Variants in COMMD5 observed in about 807,000 individuals in gnomAD.
The protein encoded by COMMD5 is COMM domain-containing protein 5.
In COMMD5, 10 loss-of-function variants were observed where a neutral mutation model predicts 6.9. That is an observed-to-expected ratio of 1.44 (90% CI 0.89 to 2.45). The LOEUF (loss-of-function observed/expected upper bound fraction) is 2.45. Among genes scored for constraint, COMMD5 ranks in the 30% most tolerant of loss-of-function variants. The pLI, the probability that COMMD5 is intolerant of heterozygous loss-of-function variation, is 0.00. For missense variants in COMMD5, 234 were observed against 287.8 expected (o/e 0.81, Z 1.35); for synonymous variants, 127 against 125.3 (o/e 1.01, Z -0.09).
chr8:144,842,987 T>TTAA, intron 1 of COMMD5: 5 of 1,614,092 alleles, frequency 3.1e-6, no homozygotes, highest in Non-Finnish European at 1.7e-6. Flanking sequence ...CGTAAAAAGG[T>TTAA]TAATACTATA....
chr8:144,840,453 CGTGGTT>C (rs1277544492), downstream of COMMD5, among the ~76,000 whole-genome samples: 1 of 151,904 alleles, frequency 6.6e-6, no homozygotes, highest in African/African-American at 2.4e-5. Context: ...GCTGTGGCTG[CGTGGTT>C]GTGGTTGTGA....
At chr8:144,851,695 T>C (rs946337246) in intron 1 of COMMD5, among the ~76,000 whole-genome samples, 1 of 151,878 alleles carries the variant, frequency 6.6e-6, no homozygotes, top group African/African-American at 2.4e-5. Flanking sequence ...AATTAATAGA[T>C]GAAAGAATGA....
At chr8:144,853,155 T>A (rs1830830272), upstream of COMMD5, 1 of 150,776 alleles carries the variant, frequency 6.6e-6, no homozygotes, top group Non-Finnish European at 1.5e-5. Context: ...TCCCGCCCCC[T>A]CCCCGCCCGG....
rs143091947 is a variant in COMMD5, at chr8:144,844,722, A to C, written c.*117-2979T>G. 8.5e-5 allele frequency among the ~76,000 whole-genome samples: 5 copies of C among 58,804 alleles called. No homozygotes were observed. In the South Asian group the frequency reaches 2.8e-3, roughly 32 times the overall value. 38.6% of individuals were successfully genotyped at this position (58,804 alleles called of 152,430 possible). ...GTGACTCTGTATCAAAAAAAAAAAAAAAAAAAAAAAAAAACGAAAATGGGA... is the reference window on the plus strand; with the variant it reads ...GTGACTCTGTATCAAAAAAAAAAAACAAAAAAAAAAAAAACGAAAATGGGA... On this transcript the variant is annotated intron_variant and NMD_transcript_variant, in intron 1 of 1. Transcript: ENST00000530332.
intron 1 of COMMD5, 49 bp downstream of exon 1, chr8:144,852,790 C>CA (rs1348785451): frequency 6.6e-6 from 1 of 152,310 alleles, no homozygotes; most frequent in African/African-American, 2.4e-5. Context: ...TGCACAGAGT[C>CA]AAATTGGCAC....
Position 144,841,429 on chromosome 8 carries a change from G to A in COMMD5, c.*431C>T, listed in dbSNP as rs905536914. 1.4e-5 allele frequency: 23 copies of A among 1,614,114 alleles called. No individual in the cohort carries two copies. The South Asian group carries it at 2.2e-4, about 15-fold the overall frequency. ...CCTAAAATCAGAATCCTATGGGACA[G>A]TGGTCAGAATCTCCCCACAGGACTT... On this transcript the variant is annotated 3_prime_UTR_variant and NMD_transcript_variant, in exon 2 of 2. Transcript: ENST00000530332.
intron 1 of COMMD5, chr8:144,842,121 G>A: frequency 6.2e-7 from 1 of 1,614,064 alleles, no homozygotes; most frequent in Non-Finnish European, 8.5e-7. Context: ...GTTGTCGTGA[G>A]TGTGGGAAAG....
intron 1 of COMMD5, 196 bp downstream of exon 1, chr8:144,852,643 A>G (rs1460946717): frequency 6.6e-6 from 1 of 152,286 alleles, no homozygotes; most frequent in Non-Finnish European, 1.5e-5. Flanking sequence ...TTCCCACTCC[A>G]AAGAGCCATC....
chr8:144,848,063 T>C (rs909246), downstream of COMMD5, among the ~76,000 whole-genome samples: 54,326 of 151,992 alleles, frequency 0.36, 9,835 homozygotes, highest in South Asian at 0.45. Flanking sequence ...TAAAATTTCA[T>C]GGCTGGGTGT....
At chr8:144,848,111 C>T (rs572103594), downstream of COMMD5, among the ~76,000 whole-genome samples, 3 of 152,060 alleles carry the variant, frequency 2.0e-5, no homozygotes, top group African/African-American at 7.2e-5. Flanking sequence ...TTTGGGAGGC[C>T]GAGGTGGGCA....
chr8:144,843,828 T>G (rs1830317415), intron 1 of COMMD5: 1 of 152,166 alleles, frequency 6.6e-6, no homozygotes, highest in Non-Finnish European at 1.5e-5. Flanking sequence ...TATCAGTGGC[T>G]CACACTGGCT....
intron 1 of COMMD5, chr8:144,842,425 C>T (rs904179337): frequency 1.2e-6 from 2 of 1,614,184 alleles, no homozygotes; most frequent in Non-Finnish European, 1.7e-6. Context: ...TGGAGAGAAG[C>T]CTTATAAATG....
At chr8:144,844,870 T>G (rs888879120) in intron 1 of COMMD5, among the ~76,000 whole-genome samples, 2 of 141,608 alleles carry the variant, frequency 1.4e-5, no homozygotes, top group Non-Finnish European at 1.5e-5. Context: ...GGGGTGAGAG[T>G]GGGTTAGGAA....
rs71320849 is a variant in COMMD5 at position 144,844,709 on chromosome 8, CAAAAAAAAAAAAAAA to C, written c.*117-2981_*117-2967del. ...GGGTGACAAGAGTGTGACTCTGTATCAAAAAAAAAAAAAAAAAAAAAAAAAAACGAAAATGGGATG... is the reference window on the plus strand; with the variant it reads ...GGGTGACAAGAGTGTGACTCTGTATCAAAAAAAAAAAACGAAAATGGGATG... On this transcript the variant is annotated intron_variant and NMD_transcript_variant, in intron 1 of 1. Coordinates refer to the COMMD5 transcript ENST00000530332. 6.3e-3 allele frequency among the ~76,000 whole-genome samples: 554 copies of C among 88,624 alleles called. 7 individuals are homozygous for C. The highest frequency in any genetic ancestry group is 0.02 in the African/African-American group (472 of 23,740). The allele number at this position is 88,624 out of a possible 152,430, so 58.1% of individuals were successfully genotyped here. A position where few individuals can be genotyped will look rare whatever the true frequency, so the allele number is the denominator to read the frequency against.
In COMMD5 at chr8:144,841,609, C is replaced by T. The variant is rs566967274; in HGVS notation, c.*251G>A. 12 of 1,614,056 alleles carry T rather than the reference C, an allele frequency of 7.4e-6. No homozygotes were observed. Among genetic ancestry groups the T allele is most frequent in the Middle Eastern group, 1.6e-4 (1 of 6,084 alleles). On this transcript the variant is annotated 3_prime_UTR_variant and NMD_transcript_variant, in exon 2 of 2. Coordinates refer to the COMMD5 transcript ENST00000530332. ...TCCCAAGACCTTCACCAAGGACGCA[C>T]CCCAGGGATGTAAGGAGCTGGGAAG...
chr8:144,843,391 C>CAT (rs1172640385), intron 1 of COMMD5: 4 of 462,526 alleles, frequency 8.6e-6, no homozygotes, highest in East Asian at 3.6e-5. Flanking sequence ...AGGTTGAGAC[C>CAT]ATCCTGGGTA....
chr8:144,842,687 G>A, intron 1 of COMMD5: 1 of 1,614,160 alleles, frequency 6.2e-7, no homozygotes. Context: ...CCCTACGAAT[G>A]CCTCCAATGC....
chr8:144,840,881 G>T (rs528139357), downstream of COMMD5, among the ~76,000 whole-genome samples: 1 of 152,172 alleles, frequency 6.6e-6, no homozygotes, highest in Non-Finnish European at 1.5e-5. Context: ...CTGAGCTCAC[G>T]TAGTAAGTCC....
downstream of COMMD5, among the ~76,000 whole-genome samples, chr8:144,849,840 G>A (rs1830657346): frequency 6.7e-6 from 1 of 149,226 alleles, no homozygotes; most frequent in African/African-American, 2.6e-5. Flanking sequence ...TCTCTCCTCT[G>A]CTGAAAACCC....
Sources: gnomAD v4.1 joint callset for allele counts (sites outside exome capture counted in the v4.1 genomes callset) on GRCh38, gnomAD v4.1.1 for gene constraint, MANE v1.5 for transcripts, NCBI Gene and HGNC (gene_info 2026-07-23, HGNC 2026-07-21) for gene names.